Variants in CDKN2B-AS1 observed in about 807,000 individuals in gnomAD.
The protein encoded by CDKN2B-AS1 is CDKN2B and CDKN2A antisense cis and trans regulatory RNA 1.
chr9:22,112,575 C>T (rs1336605123), intron 4 of CDKN2B-AS1, among the ~76,000 whole-genome samples: 1 of 152,092 alleles, frequency 6.6e-6, no homozygotes, highest in Non-Finnish European at 1.5e-5. Context: ...GAAGACCATT[C>T]TCAAAACAAA....
Position 22,026,055 on chromosome 9 carries a change from C to T in CDKN2B-AS1, n.30-20696C>T, listed in dbSNP as rs560914240. 7.9e-5 allele frequency among the ~76,000 whole-genome samples: 12 copies of T among 151,512 alleles called. No homozygotes were observed. The South Asian group carries it at 1.5e-3, about 18-fold the overall frequency. ...AGCCGGGGACCCCAGATGGGAGACT[C>T]TACCCAGTGATGAGGAACGGGATTG... On this transcript the variant is annotated intron_variant and non_coding_transcript_variant, in intron 1 of 4. Coordinates refer to ENST00000650946, the Ensembl canonical transcript of CDKN2B-AS1.
At chr9:22,060,918 T>A (rs1041739017) in intron 4 of CDKN2B-AS1, among the ~76,000 whole-genome samples, 2 of 152,152 alleles carry the variant, frequency 1.3e-5, no homozygotes, top group African/African-American at 4.8e-5. Flanking sequence ...CCCTCGGGAT[T>A]CAGTTACCTC....
intron 4 of CDKN2B-AS1, among the ~76,000 whole-genome samples, chr9:22,101,074 G>A (rs1825466259): frequency 6.6e-6 from 1 of 152,140 alleles, no homozygotes; most frequent in Non-Finnish European, 1.5e-5. Flanking sequence ...TGATCCACCA[G>A]TAAAGAGATG....
chr9:22,000,294 C>T lies in CDKN2B-AS1; in HGVS notation n.29+5133C>T, dbSNP rs1820865213. On this transcript the variant is annotated intron_variant and non_coding_transcript_variant, in intron 1 of 4. Coordinates refer to ENST00000650946, the Ensembl canonical transcript of CDKN2B-AS1. The surrounding 1 kb of genome is among the most constrained non-coding windows in gnomAD (Gnocchi z 4.1). Reference sequence around the variant, plus strand: ...AAACACCATTCTTATAGACATAAGACATACTTGGGAGCAAATGTATAATAA... The same window carrying T: ...AAACACCATTCTTATAGACATAAGATATACTTGGGAGCAAATGTATAATAA... 6.6e-6 allele frequency among the ~76,000 whole-genome samples: 1 copy of T among 152,148 alleles called. No individual in the cohort carries two copies.
chr9:22,050,060 A>G (rs1433536512), intron 3 of CDKN2B-AS1, among the ~76,000 whole-genome samples: 1 of 152,130 alleles, frequency 6.6e-6, no homozygotes, highest in Non-Finnish European at 1.5e-5. Context: ...ATATCACTTA[A>G]CCAGTTGATT....
chr9:22,032,544 C>G (rs1177640565), intron 1 of CDKN2B-AS1: 1 of 152,122 alleles, frequency 6.6e-6, no homozygotes, highest in Admixed American at 6.5e-5. Context: ...ATTATTGAAT[C>G]ACTGTGGAGT....
intron 4 of CDKN2B-AS1, chr9:22,118,562 A>T (rs1826017126): frequency 6.6e-6 from 1 of 152,196 alleles, no homozygotes; most frequent in Non-Finnish European, 1.5e-5. Flanking sequence ...TAAAAGGTTT[A>T]TGAACTTTTT....
At chr9:22,093,974 T>A (rs1282928501) in intron 4 of CDKN2B-AS1, among the ~76,000 whole-genome samples, 6 of 144,844 alleles carry the variant, frequency 4.1e-5, no homozygotes, top group Admixed American at 4.0e-4. Flanking sequence ...CCTTTCCATG[T>A]TTAGTGCTTT....
chr9:22,038,196 G>T (rs1822764039), intron 1 of CDKN2B-AS1, among the ~76,000 whole-genome samples: 1 of 151,788 alleles, frequency 6.6e-6, no homozygotes, highest in South Asian at 2.1e-4. Context: ...TAAAATTATG[G>T]ATTTTTTTTT....
chr9:22,012,210 C>T lies in CDKN2B-AS1; in HGVS notation n.29+17049C>T, dbSNP rs961345822. ...AAGACCATCACCCTTGAGGTCGAGC[C>T]CAGTGACACCATTGAGAATGTCAGT... On this transcript the variant is annotated intron_variant and non_coding_transcript_variant, in intron 1 of 4. Coordinates refer to ENST00000650946, the Ensembl canonical transcript of CDKN2B-AS1. 5.0e-6 allele frequency: 7 copies of T among 1,404,192 alleles called. No homozygotes were observed. The African/African-American group carries it at 8.5e-5, about 17-fold the overall frequency. 87.0% of individuals were successfully genotyped at this position (1,404,192 alleles called of 1,614,324 possible). A position where few individuals can be genotyped will look rare whatever the true frequency, so the allele number is the denominator to read the frequency against.
intron 1 of CDKN2B-AS1, among the ~76,000 whole-genome samples, chr9:22,038,723 C>T (rs1822787025): frequency 6.6e-6 from 1 of 151,746 alleles, no homozygotes; most frequent in Non-Finnish European, 1.5e-5. Flanking sequence ...TGATAGAGAC[C>T]AACAATGCTG....
intron 4 of CDKN2B-AS1, among the ~76,000 whole-genome samples, chr9:22,077,153 TTTTA>T (rs1824529020): frequency 1.3e-5 from 2 of 152,298 alleles, no homozygotes; most frequent in South Asian, 4.1e-4. Context: ...TATATTTGAC[TTTTA>T]AAAAAATTCT....
rs138995122 is a variant in CDKN2B-AS1 at position 22,097,840 on chromosome 9, G to T, written n.439-29263G>T. On this transcript the variant is annotated intron_variant and non_coding_transcript_variant, in intron 4 of 4. Transcript: ENST00000650946. ...ACATCTTCACAGCCCTTTCAGCCCTGTTGCAATTTCTTTGACCCTGGCCTG... is the reference window on the plus strand; with the variant it reads ...ACATCTTCACAGCCCTTTCAGCCCTTTTGCAATTTCTTTGACCCTGGCCTG... Among the ~76,000 whole-genome samples, 36 of 152,168 alleles carry T rather than the reference G, an allele frequency of 2.4e-4. 1 individual carries two copies. The highest frequency in any genetic ancestry group is 2.3e-3 in the Admixed American group (35 of 15,274).
intron 3 of CDKN2B-AS1, among the ~76,000 whole-genome samples, chr9:22,053,472 C>T (rs1396308113): frequency 2.0e-5 from 3 of 152,162 alleles, no homozygotes; most frequent in African/African-American, 7.2e-5. Context: ...AGCAGCTTGG[C>T]AGATAATTCC....
intron 1 of CDKN2B-AS1, among the ~76,000 whole-genome samples, chr9:22,033,525 A>G (rs1023774651): frequency 2.0e-5 from 3 of 152,218 alleles, no homozygotes; most frequent in African/African-American, 7.2e-5. Flanking sequence ...TGCCACTCCA[A>G]TAAAAACCTC....
At chr9:22,032,975 G>C (rs545021439) in intron 1 of CDKN2B-AS1, 1 of 152,098 alleles carries the variant, frequency 6.6e-6, no homozygotes, top group South Asian at 2.1e-4. Context: ...CACAGCAGAA[G>C]GTGGGCAGCA....
At chr9:22,029,049 T>C (rs1207146652) in intron 1 of CDKN2B-AS1, among the ~76,000 whole-genome samples, 5 of 109,458 alleles carry the variant, frequency 4.6e-5, no homozygotes, top group Admixed American at 1.1e-4. Flanking sequence ...ATTTAAACCA[T>C]ACAAAAATTA....
At chr9:22,067,265 G>A (rs992899985) in intron 4 of CDKN2B-AS1, among the ~76,000 whole-genome samples, 1 of 152,150 alleles carries the variant, frequency 6.6e-6, no homozygotes, top group South Asian at 2.1e-4. Flanking sequence ...TGGAGACTAA[G>A]CATGATTTTT....
intron 4 of CDKN2B-AS1, among the ~76,000 whole-genome samples, chr9:22,111,256 A>C (rs899526668): frequency 6.6e-6 from 1 of 152,204 alleles, no homozygotes; most frequent in East Asian, 1.9e-4. Context: ...GTTTAATGTC[A>C]GAGTGAGTTG....
Sources: allele counts gnomAD v4.1 joint callset (sites outside exome capture counted in the v4.1 genomes callset), GRCh38; gene constraint gnomAD v4.1.1; non-coding constraint Gnocchi (gnomAD v3.1); transcripts MANE v1.5; gene names NCBI Gene and HGNC (gene_info 2026-07-23, HGNC 2026-07-21).